The following NUP155 variants were observed in gnomAD, a reference collection of about 807,000 sequenced individuals.
The protein encoded by NUP155 is nuclear pore complex protein Nup155.
A neutral mutation model predicts 180.4 loss-of-function variants in NUP155; 71 were observed. The ratio of observed to expected loss-of-function variants is 0.39; its 90% confidence interval spans 0.33 to 0.48. NUP155 has a LOEUF of 0.48. Ranked by LOEUF, NUP155 falls within the 20% of genes least tolerant of loss-of-function variation. The pLI is 0.91. For missense variants in NUP155, 1,553 were observed against 1,648.9 expected (o/e 0.94, Z 1.01); for synonymous variants, 582 against 559.5 (o/e 1.04, Z -0.57).
chr5:37,343,710 G>A (rs894434253), intron 9 of NUP155, among the ~76,000 whole-genome samples: 5 of 152,022 alleles, frequency 3.3e-5, no homozygotes, highest in Admixed American at 1.3e-4. Flanking sequence ...GGTCAACATG[G>A]TGAACCCCCG....
chr5:37,333,618 C>G lies in NUP155; in HGVS notation c.1363G>C (p.Asp455His). ...MMETQMTAGVDGHSWALSAID... is the reference protein window; with the variant it reads ...MMETQMTAGVHGHSWALSAID... ...GCAGAAAGAGCCCAGGAATGACCAT[C>G]AACACCAGCTGTCATCTATGTAAAA... The change falls in exon 13 of 35, where the codon GAT becomes CAT. Residue 455 changes from aspartate (D) to histidine (H), a missense_variant. Asp to His is a moderately conservative substitution (Grantham distance 81). Coordinates refer to ENST00000231498, the MANE Select transcript of NUP155 (RefSeq NM_153485.3). 1 of 1,613,430 alleles carries G rather than the reference C, an allele frequency of 6.2e-7. No individual in the cohort carries two copies. The highest frequency in any genetic ancestry group is 1.7e-5 in the Admixed American group (1 of 60,014).
chr5:37,335,622 A>G (rs1745280941), intron 12 of NUP155, among the ~76,000 whole-genome samples: 1 of 152,278 alleles, frequency 6.6e-6, no homozygotes, highest in East Asian at 1.9e-4. Context: ...CCTAAAAATA[A>G]GAATGTTTTC....
intron 25 of NUP155, among the ~76,000 whole-genome samples, chr5:37,306,257 G>A (rs532220798): frequency 2.6e-5 from 4 of 151,890 alleles, no homozygotes; most frequent in African/African-American, 9.7e-5. Context: ...AAAATTAGCC[G>A]AGTGTGGTGA....
At chr5:37,309,049 A>G in intron 24 of NUP155, 80 bp downstream of exon 24, 5 of 1,478,212 alleles carry the variant, frequency 3.4e-6, no homozygotes, top group Non-Finnish European at 4.7e-6. Flanking sequence ...GTGGCTTTTC[A>G]TCATTAGCTT....
At chr5:37,335,776 C>T (rs1409245733) in intron 12 of NUP155, among the ~76,000 whole-genome samples, 2 of 151,940 alleles carry the variant, frequency 1.3e-5, no homozygotes, top group Non-Finnish European at 2.9e-5. Context: ...ATGGCAAAAC[C>T]CTGTCTCTAC....
At chr5:37,366,805 C>T (rs1747614076) in intron 1 of NUP155, among the ~76,000 whole-genome samples, 1 of 152,072 alleles carries the variant, frequency 6.6e-6, no homozygotes, top group Non-Finnish European at 1.5e-5. Context: ...GCGCCTGTTG[C>T]CACGCCAGGC....
chr5:37,353,786 A>G (rs953790606), intron 4 of NUP155, among the ~76,000 whole-genome samples: 5 of 152,174 alleles, frequency 3.3e-5, no homozygotes, highest in African/African-American at 1.2e-4. Context: ...CCAACTGCTG[A>G]GGGAAGGAGG....
intron 23 of NUP155, 22 bp downstream of exon 23, chr5:37,310,530 A>G: frequency 1.9e-6 from 3 of 1,580,184 alleles, no homozygotes; most frequent in Non-Finnish European, 2.6e-6. Flanking sequence ...CAAACAATGA[A>G]ATAGGTAATA....
Position 37,365,738 on chromosome 5 carries a change from A to AAAAAAATAT in NUP155, c.158-1355_158-1354insATATTTTTT, listed in dbSNP as rs1561818758. 4.0e-4 allele frequency among the ~76,000 whole-genome samples: 15 copies of AAAAAAATAT among 37,128 alleles called. 2 individuals are homozygous for AAAAAAATAT. Among genetic ancestry groups the AAAAAAATAT allele is most frequent in the Non-Finnish European group, 5.5e-4 (12 of 21,832 alleles). The allele number at this position is 37,128 out of a possible 152,430, so 24.4% of individuals were successfully genotyped here. On this transcript the variant is annotated intron_variant, in intron 1 of 34. Transcript: ENST00000231498. ...GAAAAAAAAAAAAAAAAAAAAAAAA[A>AAAAAAATAT]ATATATATATATATACACACACACA...
Position 37,353,533 on chromosome 5 carries a change from G to T in NUP155, c.464-704C>A, listed in dbSNP as rs573794945. Among the ~76,000 whole-genome samples, 6 of 152,158 alleles carry T rather than the reference G, an allele frequency of 3.9e-5. No individual in the cohort carries two copies. In the South Asian group the frequency reaches 1.0e-3, roughly 26 times the overall value. On this transcript the variant is annotated intron_variant, in intron 4 of 34. Transcript: ENST00000231498. ...GGAGGCAGGGGTTGCAGTGAGCCGA[G>T]ATCACGCCATTACACCCCAGTCTGG...
chr5:37,370,831 C>T lies in NUP155; in HGVS notation c.147G>A (p.Val49=). 6.2e-7 allele frequency: 1 copy of T among 1,614,180 alleles called. No homozygotes were observed. The highest frequency in any genetic ancestry group is 8.5e-7 in the Non-Finnish European group (1 of 1,180,038). The change falls in exon 1 of 35, where the codon GTG becomes GTA. Residue 49 remains valine (V), a synonymous_variant. Transcript: ENST00000231498. Reference sequence around the variant, plus strand: ...GTCACTATCACTCACTTGGGGCAGACACCATAAGCAGCTCGGAAAGGTCCG... The same window carrying T: ...GTCACTATCACTCACTTGGGGCAGATACCATAAGCAGCTCGGAAAGGTCCG... ...MYPDLSELLM[V]SAPNNPTVSG...
At chr5:37,340,847 A>G (rs1745667802) in intron 11 of NUP155, among the ~76,000 whole-genome samples, 1 of 152,142 alleles carries the variant, frequency 6.6e-6, no homozygotes. Flanking sequence ...ATATGTGCAA[A>G]TCTGTTACTT....
Position 37,308,067 on chromosome 5 carries a change from T to TA in NUP155, c.2768-636dup, listed in dbSNP as rs199502697. Among the ~76,000 whole-genome samples the TA allele has an allele frequency of 7.3e-3, 1,109 of 152,028 alleles. 18 individuals carry two copies. Among genetic ancestry groups the TA allele is most frequent in the African/African-American group, 0.025 (1,043 of 41,516 alleles). ...AAAAATACCTTGGGATTCAAAATAA[T>TA]ACCTGTGCAAATAGTTATGGCCTTT... On this transcript the variant is annotated intron_variant, in intron 24 of 34. Transcript: ENST00000231498.
At chr5:37,344,903 G>A (rs562172382) in intron 9 of NUP155, among the ~76,000 whole-genome samples, 55 of 151,290 alleles carry the variant, frequency 3.6e-4, no homozygotes, top group African/African-American at 1.1e-3. Context: ...TTGGGGGCAC[G>A]GTGGTTCACA....
At chr5:37,369,933 T>C (rs896772914) in intron 1 of NUP155, among the ~76,000 whole-genome samples, 4 of 152,230 alleles carry the variant, frequency 2.6e-5, no homozygotes, top group African/African-American at 9.6e-5. Flanking sequence ...CAAATTACTT[T>C]CCAGTCACCT....
chr5:37,327,245 C>T, intron 18 of NUP155: 1 of 274,038 alleles, frequency 3.6e-6, no homozygotes, highest in Non-Finnish European at 7.0e-6. Flanking sequence ...AAAAAACATA[C>T]AAAACGTGTT....
intron 2 of NUP155, 94 bp downstream of exon 2, chr5:37,364,153 T>A: frequency 1.7e-6 from 2 of 1,178,452 alleles, no homozygotes; most frequent in South Asian, 2.6e-5. Flanking sequence ...CTTAAATGAA[T>A]ATATAACACA....
At position 37,314,162 on chromosome 5, in the gene NUP155, T is replaced by TTA. The variant is rs756617671; in HGVS notation, c.2436+34_2436+35dup. ...TCATCCAAAAAATCCAAACATAGTA[T>TTA]TAATGGTATAATCATAAAAAAATAA... is the stretch of plus-strand genomic sequence containing the variant. On this transcript the variant is annotated intron_variant, in intron 22 of 34. Transcript: ENST00000231498. The TTA allele has an allele frequency of 8.2e-6, 12 of 1,459,692 alleles. No homozygotes were observed. In the Admixed American group the frequency reaches 2.1e-4, roughly 25 times the overall value. The allele number at this position is 1,459,692 out of a possible 1,614,324, so 90.4% of individuals were successfully genotyped here.
In NUP155 at chr5:37,310,735, T is replaced by C; in HGVS notation, c.2445A>G (p.Gln815=). 1 of 1,613,198 alleles carries C rather than the reference T, an allele frequency of 6.2e-7. No homozygotes were observed. Among genetic ancestry groups the C allele is most frequent in the Non-Finnish European group, 8.5e-7 (1 of 1,179,396 alleles). The change falls in exon 23 of 35, where the codon CAA becomes CAG. Residue 815 remains glutamine, a synonymous_variant. Coordinates refer to ENST00000231498, the MANE Select transcript of NUP155 (RefSeq NM_153485.3). ...IIVAELQKEL[Q]EQLKITTFKD... ...TAAAGGTGGTGATCTTCAGCTGCTC[T>C]TGAAGTTCCTAGGAGCATAAAACTT...
Sources: allele counts gnomAD v4.1 joint callset (sites outside exome capture counted in the v4.1 genomes callset), GRCh38; gene constraint gnomAD v4.1.1; transcripts MANE v1.5; gene names NCBI Gene and HGNC (gene_info 2026-07-23, HGNC 2026-07-21).